Variants in CEP170 observed in about 807,000 individuals in gnomAD.
CEP170 encodes the protein centrosomal protein 170, also known as centrosomal protein of 170 kDa.
A neutral mutation model predicts 151.9 loss-of-function variants in CEP170; 21 were observed. The ratio of observed to expected loss-of-function variants is 0.14; its 90% CI spans 0.10 to 0.20. The LOEUF (loss-of-function observed/expected upper bound fraction) is 0.20, where lower values mean the gene tolerates loss of function less well. Ranked by LOEUF, CEP170 falls within the 10% of genes least tolerant of loss-of-function variation. CEP170 has a pLI of 1.00. For synonymous variants in CEP170, 356 were observed against 648.8 expected, an observed-to-expected ratio of 0.55 and a Z score of 6.86; for missense variants, 964 against 1,892.9, an observed-to-expected ratio of 0.51 and a Z score of 9.11.
chr1:243,176,430 G>A (rs1266449758), intron 10 of CEP170, among the ~76,000 whole-genome samples: 2 of 150,886 alleles, frequency 1.3e-5, no homozygotes, highest in Admixed American at 6.6e-5. Flanking sequence ...CGTACTGGGC[G>A]TAGGAAGTGG....
rs1211301402 is a variant in CEP170, at chr1:243,125,000, TAA to T, written c.*1447_*1448del. On this transcript the variant is annotated 3_prime_UTR_variant, in exon 20 of 20. Coordinates refer to ENST00000366542, the MANE Select transcript of CEP170 (RefSeq NM_014812.3). ...ACAATACAGGATTTAAAAAATCCTGTAAAGTCTTGAAGTGTATAGAGTTACTT... is the reference window on the plus strand; with the variant it reads ...ACAATACAGGATTTAAAAAATCCTGTAGTCTTGAAGTGTATAGAGTTACTT... The T allele has an allele frequency of 6.6e-6, 1 of 152,170 alleles. No individual in the cohort carries two copies. Among genetic ancestry groups the T allele is most frequent in the Non-Finnish European group, 1.5e-5 (1 of 68,008 alleles). The allele number at this position is 152,170 out of a possible 1,614,324, so 9.4% of individuals were successfully genotyped here.
chr1:243,203,778 C>T (rs2061223400), intron 4 of CEP170, among the ~76,000 whole-genome samples: 1 of 152,134 alleles, frequency 6.6e-6, no homozygotes, highest in African/African-American at 2.4e-5. Context: ...AATTTTCCCT[C>T]ATTTAACAAC....
In CEP170 at chr1:243,153,478, T is replaced by A. The variant is rs548915311; in HGVS notation, c.3911+2743A>T. Among the ~76,000 whole-genome samples, 38 of 152,308 alleles carry A rather than the reference T, an allele frequency of 2.5e-4. 1 individual carries two copies. The South Asian group carries it at 5.4e-3, about 22-fold the overall frequency. Reference sequence around the variant, plus strand: ...ATCAACGTGGCAGACTTCACTGTTGTCTTCTTTTAATTAAGAAATCGCCAC... The same window carrying A: ...ATCAACGTGGCAGACTTCACTGTTGACTTCTTTTAATTAAGAAATCGCCAC... On this transcript the variant is annotated intron_variant, in intron 14 of 19. Transcript: ENST00000366542.
At chr1:243,254,353 A>G (rs2066317261) in intron 1 of CEP170, 1 of 152,098 alleles carries the variant, frequency 6.6e-6, no homozygotes, top group African/African-American at 2.4e-5. Context: ...AAACGTACCA[A>G]AACCCTACAT....
chr1:243,210,608 A>ATTTTTTTTTTTTTTTTTTTT (rs751388751), intron 4 of CEP170, among the ~76,000 whole-genome samples: 1 of 67,942 alleles, frequency 1.5e-5, no homozygotes, highest in Non-Finnish European at 2.5e-5. Context: ...ATTTTTCGTA[A>ATTTTTTTTTTTTTTTTTTTT]TTTTTTTTTT....
At chr1:243,181,447 C>A (rs1417952193) in intron 10 of CEP170, among the ~76,000 whole-genome samples, 1 of 152,054 alleles carries the variant, frequency 6.6e-6, no homozygotes, top group African/African-American at 2.4e-5. Flanking sequence ...GAGACAGCCC[C>A]AAAATACAAA....
At chr1:243,231,848 G>A (rs913625336) in intron 1 of CEP170, among the ~76,000 whole-genome samples, 8 of 152,200 alleles carry the variant, frequency 5.3e-5, no homozygotes, top group African/African-American at 1.9e-4. Flanking sequence ...GGTGGCTCAT[G>A]CCTGTAATTC....
At chr1:243,166,536 G>A (rs2058455699) in intron 12 of CEP170, 1 of 167,470 alleles carries the variant, frequency 6.0e-6, no homozygotes, top group Non-Finnish European at 1.3e-5. Context: ...CCTATGGCTA[G>A]AGAGGGCCAG....
chr1:243,141,327 C>A (rs1016475198), intron 15 of CEP170, among the ~76,000 whole-genome samples: 2 of 152,164 alleles, frequency 1.3e-5, no homozygotes, highest in African/African-American at 4.8e-5. Context: ...CTCAGTTCTG[C>A]CCCTGTAGCA....
At chr1:243,153,950 A>G (rs955353237) in intron 14 of CEP170, among the ~76,000 whole-genome samples, 3 of 152,266 alleles carry the variant, frequency 2.0e-5, no homozygotes, top group East Asian at 1.9e-4. Context: ...ATGGAAGTCA[A>G]TATCTGTTTT....
chr1:243,174,149 G>A (rs1468192510), intron 10 of CEP170, among the ~76,000 whole-genome samples: 1 of 152,006 alleles, frequency 6.6e-6, no homozygotes, highest in African/African-American at 2.4e-5. Flanking sequence ...ACAATGGCGT[G>A]CTTTTCTTTT....
chr1:243,192,381 G>A (rs1382132102), intron 7 of CEP170, among the ~76,000 whole-genome samples: 1 of 152,108 alleles, frequency 6.6e-6, no homozygotes, highest in Non-Finnish European at 1.5e-5. Flanking sequence ...TATAGAAACA[G>A]ATGCATTTAT....
rs1271559949 is a variant in CEP170 at position 243,164,209 on chromosome 1, T to A, written c.3676+75A>T. The A allele has an allele frequency of 4.2e-4, 550 of 1,308,772 alleles. 1 individual carries two copies. The African/African-American group carries it at 8.3e-3, about 20-fold the overall frequency. 81.1% of individuals were successfully genotyped at this position (1,308,772 alleles called of 1,614,324 possible). A position where few individuals can be genotyped will look rare whatever the true frequency, so the allele number is the denominator to read the frequency against. ...TTGGGAAGACAACTAGAACCTTACT[T>A]TTTTTTTTAAAAAAAAAAAGGAGCC... On this transcript the variant is annotated intron_variant, in intron 13 of 19. Transcript: ENST00000366542.
At chr1:243,192,427 G>A (rs535627801) in intron 7 of CEP170, among the ~76,000 whole-genome samples, 4 of 152,022 alleles carry the variant, frequency 2.6e-5, no homozygotes, top group African/African-American at 7.3e-5. Flanking sequence ...CAACTAAAAC[G>A]TTTTCGGTAC....
rs192499685 is a variant in CEP170, at chr1:243,233,486, C to T, written c.-41-8165G>A. Among the ~76,000 whole-genome samples the T allele has an allele frequency of 7.5e-3, 1,139 of 152,126 alleles. 11 individuals carry two copies. Among genetic ancestry groups the T allele is most frequent in the Non-Finnish European group, 0.011 (734 of 67,976 alleles). ...CGGTGGCTCACGCCTGTAATCCCAG[C>T]ACTTTGGGAGGCCGAGGCGGGCAGA... is the stretch of plus-strand genomic sequence containing the variant. On this transcript the variant is annotated intron_variant, in intron 1 of 19. Transcript: ENST00000366542.
intron 10 of CEP170, 104 bp from the exon 11 acceptor site, chr1:243,172,950 T>G (rs1469593759): frequency 3.3e-6 from 4 of 1,230,572 alleles, no homozygotes; most frequent in Non-Finnish European, 4.2e-6. Context: ...ATATTCCAAA[T>G]TAATTTTAAT....
At chr1:243,232,895 T>C (rs1040982537) in intron 1 of CEP170, among the ~76,000 whole-genome samples, 8 of 152,238 alleles carry the variant, frequency 5.3e-5, no homozygotes, top group Non-Finnish European at 1.2e-4. Flanking sequence ...CCCTTGAGCC[T>C]ACCCCAATGT....
At chr1:243,149,619 A>T (rs377431655) in intron 14 of CEP170, among the ~76,000 whole-genome samples, 1 of 152,230 alleles carries the variant, frequency 6.6e-6, no homozygotes, top group African/African-American at 2.4e-5. Flanking sequence ...TTGCTTGATT[A>T]GGGTAGTTTT....
At chr1:243,229,085 A>T (rs1454463692) in intron 1 of CEP170, among the ~76,000 whole-genome samples, 1 of 152,052 alleles carries the variant, frequency 6.6e-6, no homozygotes. Flanking sequence ...GTATTAAGAC[A>T]CTCTTTTTCT....
Sources: gnomAD v4.1 joint callset for allele counts (sites outside exome capture counted in the v4.1 genomes callset) on GRCh38, gnomAD v4.1.1 for gene constraint, MANE v1.5 for transcripts, NCBI Gene and HGNC (gene_info 2026-07-23, HGNC 2026-07-21) for gene names.